The following ITGAV variants were observed in gnomAD, a reference collection of about 807,000 sequenced individuals.
ITGAV encodes integrin alpha-V.
Under a neutral mutation model 143.8 loss-of-function variants are expected in ITGAV, and 76 were observed. That is an observed-to-expected ratio of 0.53 (90% confidence interval 0.44 to 0.64). ITGAV has a LOEUF of 0.64. Ranked by LOEUF, ITGAV falls within the 30% of genes least tolerant of loss-of-function variation. The pLI is 0.00. For missense variants in ITGAV, 1,193 were observed against 1,274.7 expected (o/e 0.94, Z 0.98); for synonymous variants, 453 against 446.7 (o/e 1.01, Z -0.18).
chr2:186,675,351 C>A (rs1689177884), intron 26 of ITGAV, among the ~76,000 whole-genome samples: 2 of 152,132 alleles, frequency 1.3e-5, no homozygotes. Flanking sequence ...TATAACAAAT[C>A]ACGATAAAAC....
At position 186,641,597 on chromosome 2, in the gene ITGAV, A is replaced by C; in HGVS notation, c.1159+9A>C. The C allele has an allele frequency of 6.2e-7, 1 of 1,611,196 alleles. No individual in the cohort carries two copies. Among genetic ancestry groups the C allele is most frequent in the Non-Finnish European group, 8.5e-7 (1 of 1,177,614 alleles). ...CCAGGATGGTTTCAATGGTAAGATC[A>C]AAGTTTAGCAGCTACAGGTCCCTGA... On this transcript the variant is annotated intron_variant, in intron 12 of 29. Coordinates refer to ENST00000261023, the MANE Select transcript of ITGAV (RefSeq NM_002210.5).
rs543070421 is a variant in ITGAV at position 186,614,579 on chromosome 2, A to G, written c.317-7760A>G. 1.2e-4 allele frequency among the ~76,000 whole-genome samples: 19 copies of G among 152,112 alleles called. No homozygotes were observed. In the South Asian group the frequency reaches 2.3e-3, roughly 18 times the overall value. On this transcript the variant is annotated intron_variant, in intron 2 of 29. Transcript: ENST00000261023. The stretch of plus-strand genomic sequence containing the variant: ...TTCCTTTGCCTGACAGGTGAAACAT[A>G]TATCTTGTTTTAATTTACATTTCTG...
Position 186,641,413 on chromosome 2 carries a change from T to C in ITGAV, c.984T>C (p.Pro328=), listed in dbSNP as rs1688099286. 1.9e-6 allele frequency: 3 copies of C among 1,614,002 alleles called. No individual in the cohort carries two copies. The highest frequency in any genetic ancestry group is 1.7e-5 in the Admixed American group (1 of 60,004). ...DDYADVFIGA[P]LFMDRGSDGK... Reference sequence around the variant, plus strand: ...ATGCAGATGTGTTTATTGGAGCACCTCTCTTCATGGATCGTGGCTCTGATG... The same window carrying C: ...ATGCAGATGTGTTTATTGGAGCACCCCTCTTCATGGATCGTGGCTCTGATG... Residue 328 remains proline (P), a synonymous_variant, in exon 12 of 30, where the codon CCT becomes CCC. Transcript: ENST00000261023.
chr2:186,670,292 T>TTTTGTTTG (rs61764165), intron 26 of ITGAV, among the ~76,000 whole-genome samples: 19 of 151,572 alleles, frequency 1.3e-4, no homozygotes, highest in Non-Finnish European at 2.2e-4. Flanking sequence ...GTATAGTGTT[T>TTTTGTTTG]TTTGTTTGTT....
At chr2:186,668,212 ATATATTTTTTTT>A (rs1688964146) in intron 24 of ITGAV, among the ~76,000 whole-genome samples, 1 of 6,904 alleles carries the variant, frequency 1.4e-4, no homozygotes, top group African/African-American at 3.8e-4. Flanking sequence ...ATATATATAT[ATATATTTTTTTT>A]TTTTTTTTTT....
At position 186,675,825 on chromosome 2, in the gene ITGAV, A is replaced by G. The variant is rs779019546; in HGVS notation, c.2826A>G (p.Glu942=). 2 of 1,597,092 alleles carry G rather than the reference A, an allele frequency of 1.3e-6. No homozygotes were observed. Among genetic ancestry groups the G allele is most frequent in the South Asian group, 1.1e-5 (1 of 89,080 alleles). The change falls in exon 28 of 30, where the codon GAA becomes GAG. Residue 942 remains glutamate (E), a synonymous_variant. Coordinates refer to ENST00000261023, the MANE Select transcript of ITGAV (RefSeq NM_002210.5). ...TAATTGTTATTTCCAAACAGAAAGA[A>G]AATCAGAATCATTCCTATTCTCTGA... ...LLWTETFMNK[E]NQNHSYSLKS... is the part of the protein sequence containing the mutation.
rs1434283042 is a variant in ITGAV at position 186,680,035 on chromosome 2, A to C, written c.*2743A>C. The C allele has an allele frequency of 6.6e-6, 1 of 152,114 alleles. No homozygotes were observed. The highest frequency in any genetic ancestry group is 1.9e-4 in the East Asian group (1 of 5,202). 9.4% of individuals were successfully genotyped at this position (152,114 alleles called of 1,614,324 possible). ...GAGATTTGTGTGATAAAAGTATTGTATATAATAGATCAGCGATTTTTGTAA... is the reference window on the plus strand; with the variant it reads ...GAGATTTGTGTGATAAAAGTATTGTCTATAATAGATCAGCGATTTTTGTAA... On this transcript the variant is annotated 3_prime_UTR_variant, in exon 30 of 30. Transcript: ENST00000261023.
intron 9 of ITGAV, 42 bp downstream of exon 9, chr2:186,638,362 A>T (rs950445810): frequency 6.2e-7 from 1 of 1,607,992 alleles, no homozygotes; most frequent in African/African-American, 1.3e-5. Flanking sequence ...TCTCTAAGTT[A>T]TCTTCTATTT....
intron 12 of ITGAV, among the ~76,000 whole-genome samples, chr2:186,645,121 G>C (rs1688218496): frequency 6.6e-6 from 1 of 152,166 alleles, no homozygotes; most frequent in Non-Finnish European, 1.5e-5. Flanking sequence ...AAACAATGGG[G>C]AAATCCAGAT....
chr2:186,673,110 G>C (rs1291784691), intron 26 of ITGAV, among the ~76,000 whole-genome samples: 1 of 152,178 alleles, frequency 6.6e-6, no homozygotes, highest in Non-Finnish European at 1.5e-5. Flanking sequence ...GTGTGAGGTA[G>C]GGGTCCAGAT....
At chr2:186,613,635 A>G (rs1687277685) in intron 2 of ITGAV, among the ~76,000 whole-genome samples, 1 of 152,162 alleles carries the variant, frequency 6.6e-6, no homozygotes, top group African/African-American at 2.4e-5. Context: ...TCTCTTGGCC[A>G]TTTTAAGTCA....
intron 16 of ITGAV, among the ~76,000 whole-genome samples, chr2:186,655,015 A>G (rs1371302624): frequency 1.3e-5 from 2 of 152,200 alleles, no homozygotes; most frequent in African/African-American, 2.4e-5. Context: ...TATGAATATT[A>G]TGGTTTATAA....
In ITGAV at chr2:186,638,281, T is replaced by C. The variant is rs754911086; in HGVS notation, c.807T>C (p.Phe269=). ...GDFNGDGIDD[F]VSGVPRAART... The stretch of plus-strand genomic sequence containing the variant: ...TTGTTTGTTTGTTTGTTTCAGACTT[T>C]GTTTCAGGAGTTCCAAGAGCAGCAA... Residue 269 remains phenylalanine (F), a synonymous_variant, in exon 9 of 30, where the codon TTT becomes TTC. Coordinates refer to ENST00000261023, the MANE Select transcript of ITGAV (RefSeq NM_002210.5). The C allele has an allele frequency of 1.2e-6, 2 of 1,613,950 alleles. No individual in the cohort carries two copies. The highest frequency in any genetic ancestry group is 2.2e-5 in the South Asian group (2 of 91,070).
At chr2:186,607,371 C>G (rs1687096503) in intron 2 of ITGAV, among the ~76,000 whole-genome samples, 1 of 151,970 alleles carries the variant, frequency 6.6e-6, no homozygotes, top group African/African-American at 2.4e-5. Flanking sequence ...CTGGGAAGAC[C>G]TTTGGTATGC....
At chr2:186,618,661 G>A (rs1025699944) in intron 2 of ITGAV, among the ~76,000 whole-genome samples, 13 of 152,136 alleles carry the variant, frequency 8.5e-5, no homozygotes, top group Non-Finnish European at 1.5e-4. Context: ...AAAGTGGTAC[G>A]GAGAGATTGG....
chr2:186,669,711 T>C lies in ITGAV; in HGVS notation c.2603T>C (p.Leu868Ser). The change falls in exon 26 of 30, where the codon TTG becomes TCG. Residue 868 changes from leucine (L) to serine (S), a missense_variant. Leu to Ser is a moderately radical substitution (Grantham distance 145). Coordinates refer to ENST00000261023, the MANE Select transcript of ITGAV (RefSeq NM_002210.5). Reference sequence around the variant, plus strand: ...ATGTGATTGCATTAGATCTCATCTTTGCAAACAACTGAAAAGAATGACACG... The same window carrying C: ...ATGTGATTGCATTAGATCTCATCTTCGCAAACAACTGAAAAGAATGACACG... Reference protein sequence around the residue: ...INPLRIKISSLQTTEKNDTVA... With the variant: ...INPLRIKISSSQTTEKNDTVA... 2 of 1,612,882 alleles carry C rather than the reference T, an allele frequency of 1.2e-6. No homozygotes were observed. The highest frequency in any genetic ancestry group is 2.7e-5 in the African/African-American group (2 of 75,006).
chr2:186,649,794 TAA>T, intron 13 of ITGAV, 44 bp from the exon 14 acceptor site: 1 of 1,334,170 alleles, frequency 7.5e-7, no homozygotes, highest in Non-Finnish European at 1.0e-6. Flanking sequence ...ATATACATTT[TAA>T]AAACCATTAT....
chr2:186,603,252 A>G (rs539408060), intron 2 of ITGAV, among the ~76,000 whole-genome samples: 1 of 152,310 alleles, frequency 6.6e-6, no homozygotes, highest in Non-Finnish European at 1.5e-5. Context: ...AGAGTGCTTT[A>G]AGATAAACCT....
At chr2:186,676,649 T>G (rs919751382) in intron 28 of ITGAV, among the ~76,000 whole-genome samples, 164 bp from the exon 29 acceptor site, 4 of 152,142 alleles carry the variant, frequency 2.6e-5, no homozygotes, top group African/African-American at 4.8e-5. Flanking sequence ...GTTTCATGTG[T>G]GTATGTGCAT....
Sources: gnomAD v4.1 joint callset for allele counts (sites outside exome capture counted in the v4.1 genomes callset) on GRCh38, gnomAD v4.1.1 for gene constraint, MANE v1.5 for transcripts, NCBI Gene and HGNC (gene_info 2026-07-23, HGNC 2026-07-21) for gene names.